TOMM40: variants seen among roughly 807,000 people sequenced by gnomAD.
The protein encoded by TOMM40 is translocase of outer mitochondrial membrane 40, also known as mitochondrial import receptor subunit TOM40 homolog.
TOMM40 carries 9 observed loss-of-function variants against 38.4 expected under a neutral mutation model. That is an observed-to-expected ratio of 0.23 (90% CI 0.14 to 0.41). TOMM40 has a LOEUF of 0.41. Ranked by LOEUF, TOMM40 falls within the 10% of genes least tolerant of loss-of-function variation. The pLI is 1.00. For synonymous variants in TOMM40, 184 were observed against 210.0 expected (o/e 0.88, Z 1.07); for missense variants, 299 against 486.5 (o/e 0.61, Z 3.63).
At chr19:44,897,400 C>G (rs1969585793) in intron 5 of TOMM40, among the ~76,000 whole-genome samples, 1 of 152,148 alleles carries the variant, frequency 6.6e-6, no homozygotes, top group Non-Finnish European at 1.5e-5. Context: ...GAGGGGATAA[C>G]ACTGACCAGA....
At chr19:44,901,626 A>G in intron 8 of TOMM40, 6 of 514,772 alleles carry the variant, frequency 1.2e-5, no homozygotes, top group Non-Finnish European at 2.0e-5. Flanking sequence ...TATAGTCCCA[A>G]CTACTGAGGC....
At chr19:44,901,699 C>T (rs112757453) in intron 8 of TOMM40, 20 of 291,554 alleles carry the variant, frequency 6.9e-5, no homozygotes, top group Non-Finnish European at 9.0e-5. Flanking sequence ...ATCGTGCCAC[C>T]GCACTCCAGC....
chr19:44,902,735 C>T (rs557577435), intron 8 of TOMM40: 2 of 287,870 alleles, frequency 6.9e-6, no homozygotes, highest in Admixed American at 5.4e-5. Context: ...CCTGTCTTCA[C>T]GGGACTCAGT....
intron 5 of TOMM40, among the ~76,000 whole-genome samples, chr19:44,899,791 C>CTTTTTTTTTTTTTTTTTTTTTTTTT (rs10524523): frequency 3.3e-5 from 3 of 90,984 alleles, no homozygotes; most frequent in Admixed American, 1.5e-4. Flanking sequence ...TTGCATCTGG[C>CTTTTTTTTTTTTTTTTTTTTTTTTT]TTTTTTTTTT....
At chr19:44,897,853 G>A (rs1969596838) in intron 5 of TOMM40, among the ~76,000 whole-genome samples, 1 of 151,772 alleles carries the variant, frequency 6.6e-6, no homozygotes, top group African/African-American at 2.4e-5. Context: ...AGACTCCTGG[G>A]CTCAAACAAC....
At chr19:44,893,684 C>G in intron 3 of TOMM40, 96 bp from the exon 4 acceptor site, 1 of 1,015,024 alleles carries the variant, frequency 9.9e-7, no homozygotes. Flanking sequence ...GGACCCCCAT[C>G]CGAGGCTTTC....
chr19:44,899,125 T>TC (rs1220420823), intron 5 of TOMM40, among the ~76,000 whole-genome samples: 2 of 134,918 alleles, frequency 1.5e-5, no homozygotes, highest in African/African-American at 5.8e-5. Flanking sequence ...AGAGCGAGAC[T>TC]CCATCTCAAA....
intron 2 of TOMM40, 105 bp from the exon 3 acceptor site, chr19:44,892,732 C>A: frequency 2.1e-6 from 2 of 957,818 alleles, no homozygotes; most frequent in Non-Finnish European, 3.3e-6. Flanking sequence ...TCAGGCCGTG[C>A]CTCCCAGTCT....
At chr19:44,892,238 C>T (rs961651475) in intron 1 of TOMM40, among the ~76,000 whole-genome samples, 155 bp from the exon 2 acceptor site, 2 of 152,106 alleles carry the variant, frequency 1.3e-5, no homozygotes, top group African/African-American at 4.8e-5. Flanking sequence ...AGGCCCTGGC[C>T]CTGTCTAACT....
chr19:44,897,934 G>A (rs1330898704), intron 5 of TOMM40, among the ~76,000 whole-genome samples: 1 of 152,026 alleles, frequency 6.6e-6, no homozygotes, highest in Non-Finnish European at 1.5e-5. Flanking sequence ...GTGTGATGGT[G>A]ATTCAACAAC....
At position 44,901,046 on chromosome 19, in the gene TOMM40, C is replaced by G. The variant is rs1344222483; in HGVS notation, c.785C>G (p.Thr262Arg). 1 of 1,614,218 alleles carries G rather than the reference C, an allele frequency of 6.2e-7. No homozygotes were observed. Among genetic ancestry groups the G allele is most frequent in the African/African-American group, 1.3e-5 (1 of 75,076 alleles). The change falls in exon 7 of 9, where the codon ACG (threonine) becomes AGG (arginine). Residue 262 changes from threonine (T) to arginine (R), a missense_variant. By Grantham distance (71) the Thr-to-Arg change is moderately conservative. Coordinates refer to ENST00000426677, the MANE Select transcript of TOMM40 (RefSeq NM_001128917.2). ...CTGACAGTGAACAACTGGTTGGCAA[C>G]GGTAACGTTGGGCCAGGCGGGCATG... The part of the protein sequence containing the change: ...GKYTLNNWLA[T>R]VTLGQAGMHA...
intron 5 of TOMM40, among the ~76,000 whole-genome samples, chr19:44,899,639 A>G (rs1158972075): frequency 6.8e-6 from 1 of 147,178 alleles, no homozygotes; most frequent in Non-Finnish European, 1.5e-5. Context: ...TTTTTTTATG[A>G]TAATCTGTAG....
Position 44,899,791 on chromosome 19 carries a change from CTTTTTTTTTTTTTTTTT to C in TOMM40, c.644-920_644-904del, listed in dbSNP as rs10524523. ...TACTGGCATGAGCCATTGCATCTGG[CTTTTTTTTTTTTTTTTT>C]TTTTTTTTTTTTTTTTTTGAGATGG... is the stretch of plus-strand genomic sequence containing the variant. On this transcript the variant is annotated intron_variant, in intron 5 of 8. Transcript: ENST00000426677. 3.0e-4 allele frequency among the ~76,000 whole-genome samples: 27 copies of C among 90,994 alleles called. No individual in the cohort carries two copies. The South Asian group carries it at 3.2e-3, about 11-fold the overall frequency. The allele number at this position is 90,994 out of a possible 152,430, so 59.7% of individuals were successfully genotyped here. A position where few individuals can be genotyped will look rare whatever the true frequency, so the allele number is the denominator to read the frequency against.
chr19:44,898,055 T>C (rs1969600775), intron 5 of TOMM40, among the ~76,000 whole-genome samples: 1 of 151,678 alleles, frequency 6.6e-6, no homozygotes, highest in Non-Finnish European at 1.5e-5. Flanking sequence ...GATCTCAGCC[T>C]CCCCAGAAGA....
At chr19:44,897,939 A>T (rs971461256) in intron 5 of TOMM40, among the ~76,000 whole-genome samples, 2 of 151,982 alleles carry the variant, frequency 1.3e-5, no homozygotes, top group African/African-American at 4.8e-5. Context: ...ATGGTGATTC[A>T]ACAACCAGTG....
At chr19:44,894,128 C>T in intron 5 of TOMM40, 62 bp downstream of exon 5, 1 of 1,305,748 alleles carries the variant, frequency 7.7e-7, no homozygotes. Context: ...GCCAGCAAAT[C>T]CACCCCATTT....
At chr19:44,898,525 CT>C (rs71173106) in intron 5 of TOMM40, among the ~76,000 whole-genome samples, 2,689 of 88,942 alleles carry the variant, frequency 0.03, 27 homozygotes, top group Middle Eastern at 0.058. Context: ...TTTTTTTTTT[CT>C]TTTTTTTTTT....
At chr19:44,893,927 A>C (rs750278392) in intron 4 of TOMM40, 34 bp from the exon 5 acceptor site, 160 of 1,603,038 alleles carry the variant, frequency 1.0e-4, no homozygotes, top group Non-Finnish European at 1.3e-4. Flanking sequence ...CACCGTGAGC[A>C]GGGAGCCGCC....
rs1450204457 is a variant in TOMM40 at position 44,903,255 on chromosome 19, C to T, written c.*86C>T. ...GCCACAGAGGGGAGACCTGAGCCCCCCTCCCTTCCCTCCCCCCTTGGGGGT... is the reference window on the plus strand; with the variant it reads ...GCCACAGAGGGGAGACCTGAGCCCCTCTCCCTTCCCTCCCCCCTTGGGGGT... On this transcript the variant is annotated 3_prime_UTR_variant, in exon 9 of 9. Transcript: ENST00000426677. 3.0e-6 allele frequency: 4 copies of T among 1,351,122 alleles called. 1 individual carries two copies. The highest frequency in any genetic ancestry group is 2.9e-5 in the South Asian group (2 of 69,474). 83.7% of individuals were successfully genotyped at this position (1,351,122 alleles called of 1,614,324 possible).
Sources: allele counts gnomAD v4.1 joint callset (sites outside exome capture counted in the v4.1 genomes callset), GRCh38; gene constraint gnomAD v4.1.1; transcripts MANE v1.5; gene names NCBI Gene and HGNC (gene_info 2026-07-23, HGNC 2026-07-21).